The following LDLRAD4 variants were observed in gnomAD, a reference collection of about 807,000 sequenced individuals.
The protein encoded by LDLRAD4 is low-density lipoprotein receptor class A domain-containing protein 4.
Under a neutral mutation model 17.0 loss-of-function variants are expected in LDLRAD4, and 5 were observed. That is an observed-to-expected ratio of 0.29 (90% CI 0.15 to 0.62). The LOEUF (loss-of-function observed/expected upper bound fraction) is 0.62, where lower values mean the gene tolerates loss of function less well. Ranked by LOEUF, LDLRAD4 falls within the 20% of genes least tolerant of loss-of-function variation. LDLRAD4 has a pLI of 0.84. For missense variants in LDLRAD4, 340 were observed against 424.7 expected (o/e 0.80, Z 1.75); for synonymous variants, 168 against 171.8 (o/e 0.98, Z 0.17).
chr18:13,262,405 C>A (rs1178144579), intron 1 of LDLRAD4, among the ~76,000 whole-genome samples: 5 of 88,804 alleles, frequency 5.6e-5, no homozygotes, highest in African/African-American at 2.3e-4. Flanking sequence ...TGGCTCTGTG[C>A]GTGGGGGCTG....
At chr18:13,242,104 A>T (rs1255750821) in intron 1 of LDLRAD4, 1 of 152,272 alleles carries the variant, frequency 6.6e-6, no homozygotes, top group African/African-American at 2.4e-5. Flanking sequence ...GAAAACAATA[A>T]CAAAAGATCG....
At chr18:13,339,010 A>G (rs2082241485) in intron 1 of LDLRAD4, among the ~76,000 whole-genome samples, 1 of 152,188 alleles carries the variant, frequency 6.6e-6, no homozygotes, top group African/African-American at 2.4e-5. Context: ...TATATCTGTG[A>G]CATGGAATTT....
At chr18:13,392,344 A>G (rs2086339943) in intron 2 of LDLRAD4, among the ~76,000 whole-genome samples, 1 of 152,254 alleles carries the variant, frequency 6.6e-6, no homozygotes, top group African/African-American at 2.4e-5. Context: ...ACACTTGAGC[A>G]TGTAAAAACA....
chr18:13,312,581 A>C (rs750403862), intron 1 of LDLRAD4, among the ~76,000 whole-genome samples: 4 of 152,116 alleles, frequency 2.6e-5, no homozygotes, highest in Non-Finnish European at 5.9e-5. Flanking sequence ...ATCCCTACAA[A>C]ATGTACAGAA....
chr18:13,568,952 A>ACCT (rs1385687789), intron 3 of LDLRAD4, among the ~76,000 whole-genome samples: 2 of 152,152 alleles, frequency 1.3e-5, no homozygotes, highest in African/African-American at 4.8e-5. Flanking sequence ...GTCATGAAGG[A>ACCT]TGTTGGCTCC....
chr18:13,400,694 C>G (rs1453148379), intron 2 of LDLRAD4, among the ~76,000 whole-genome samples: 2 of 152,218 alleles, frequency 1.3e-5, no homozygotes, highest in African/African-American at 4.8e-5. Flanking sequence ...GGGAGCAAAG[C>G]CTTCTCTCGC....
At chr18:13,626,696 A>C (rs1474048008) in intron 4 of LDLRAD4, among the ~76,000 whole-genome samples, 2 of 152,254 alleles carry the variant, frequency 1.3e-5, no homozygotes, top group African/African-American at 4.8e-5. Flanking sequence ...CATTCTTCAT[A>C]GCCAGGAGGA....
intron 1 of LDLRAD4, among the ~76,000 whole-genome samples, chr18:13,287,338 T>C (rs1357221165): frequency 6.6e-6 from 1 of 152,252 alleles, no homozygotes; most frequent in East Asian, 1.9e-4. Flanking sequence ...ATCAAGTTTT[T>C]GTTTGTTTTT....
chr18:13,467,361 T>A (rs1223495643), intron 3 of LDLRAD4, among the ~76,000 whole-genome samples: 1 of 152,172 alleles, frequency 6.6e-6, no homozygotes, highest in Non-Finnish European at 1.5e-5. Flanking sequence ...CCATGAACAA[T>A]CTGAAAAGGA....
intron 3 of LDLRAD4, among the ~76,000 whole-genome samples, chr18:13,599,804 A>G (rs983630847): frequency 2.4e-4 from 37 of 152,248 alleles, no homozygotes; most frequent in African/African-American, 8.4e-4. Context: ...AGTCTCCTAT[A>G]TTATATTTTA....
chr18:13,339,044 G>C (rs1001479614), intron 1 of LDLRAD4, among the ~76,000 whole-genome samples: 1 of 152,064 alleles, frequency 6.6e-6, no homozygotes, highest in African/African-American at 2.4e-5. Context: ...ACATATTTTT[G>C]TAGGGAAAAA....
chr18:13,343,379 A>G (rs1472886510), intron 1 of LDLRAD4, among the ~76,000 whole-genome samples: 1 of 151,988 alleles, frequency 6.6e-6, no homozygotes, highest in Non-Finnish European at 1.5e-5. Flanking sequence ...GATGGTTTCC[A>G]GCTTCATCCA....
chr18:13,493,733 C>T (rs1464378721), intron 3 of LDLRAD4, among the ~76,000 whole-genome samples: 4 of 152,168 alleles, frequency 2.6e-5, no homozygotes, highest in Admixed American at 2.6e-4. Flanking sequence ...CCATCTGGGG[C>T]TCAGAGTTGG....
At chr18:13,295,349 G>T (rs1383862277) in intron 1 of LDLRAD4, among the ~76,000 whole-genome samples, 1 of 152,194 alleles carries the variant, frequency 6.6e-6, no homozygotes, top group African/African-American at 2.4e-5. Context: ...TTCTTCTGTA[G>T]AAGCATCCGC....
chr18:13,220,912 T>G (rs2041416100), intron 1 of LDLRAD4, among the ~76,000 whole-genome samples: 1 of 152,222 alleles, frequency 6.6e-6, no homozygotes, highest in South Asian at 2.1e-4. Context: ...GTAGCCAGCA[T>G]AAAGTCTCCT....
rs540819641 is a variant in LDLRAD4 at position 13,374,752 on chromosome 18, C to G, written c.-382-12589C>G. Among the ~76,000 whole-genome samples, 158 of 152,220 alleles carry G rather than the reference C, an allele frequency of 1.0e-3. 2 individuals carry two copies. Among genetic ancestry groups the G allele is most frequent in the East Asian group, 4.8e-3 (25 of 5,174 alleles). The stretch of plus-strand genomic sequence containing the variant: ...ATGGTCATCCCTGTTGGCTGAGGGG[C>G]GATTGAGAAGGCCAGCACCTGCTAG... On this transcript the variant is annotated intron_variant, in intron 1 of 5. Coordinates refer to ENST00000359446, the Ensembl canonical transcript of LDLRAD4.
At chr18:13,434,160 C>G (rs964446374) in intron 2 of LDLRAD4, among the ~76,000 whole-genome samples, 1 of 136,642 alleles carries the variant, frequency 7.3e-6, no homozygotes, top group African/African-American at 2.5e-5. Context: ...AGCTGAATAC[C>G]CTAAATGTGG....
intron 1 of LDLRAD4, among the ~76,000 whole-genome samples, chr18:13,309,451 G>A (rs1352337963): frequency 6.6e-6 from 1 of 152,166 alleles, no homozygotes; most frequent in Non-Finnish European, 1.5e-5. Flanking sequence ...AGCCTGTTAC[G>A]TTTATTACTT....
At chr18:13,492,539 G>A (rs879349161) in intron 3 of LDLRAD4, among the ~76,000 whole-genome samples, 2 of 152,292 alleles carry the variant, frequency 1.3e-5, no homozygotes, top group Admixed American at 1.3e-4. Flanking sequence ...CTCCAGCCCC[G>A]TAGAACGCCT....
Sources: allele counts gnomAD v4.1 joint callset (sites outside exome capture counted in the v4.1 genomes callset), GRCh38; gene constraint gnomAD v4.1.1; transcripts MANE v1.5; gene names NCBI Gene and HGNC (gene_info 2026-07-23, HGNC 2026-07-21).